Variants in TCEA1 observed in about 807,000 individuals in gnomAD.
TCEA1 encodes transcription elongation factor A protein 1.
In TCEA1, 21 loss-of-function variants were observed where a neutral mutation model predicts 43.8. The observed-to-expected ratio is 0.48, with a 90% CI of 0.34 to 0.69. The LOEUF is 0.69. TCEA1 is among the 30% of genes least tolerant of loss of function. TCEA1 has a pLI of 0.01. For missense variants in TCEA1, 250 were observed against 365.1 expected, an observed-to-expected ratio of 0.68 and a Z score of 2.57; for synonymous variants, 104 against 117.5, an observed-to-expected ratio of 0.88 and a Z score of 0.75.
rs188242451 is a variant in TCEA1 at position 54,005,728 on chromosome 8, C to A, written c.126+4702G>T. Among the ~76,000 whole-genome samples the A allele has an allele frequency of 1.9e-4, 29 of 152,156 alleles. No homozygotes were observed. In the East Asian group the frequency reaches 2.5e-3, roughly 13 times the overall value. On this transcript the variant is annotated intron_variant, in intron 2 of 9. Transcript: ENST00000521604. ...ATATTGCTATTATCTTAGTTTAAGCCCTCATCACTCCTCACCTGAATAACT... is the reference window on the plus strand; with the variant it reads ...ATATTGCTATTATCTTAGTTTAAGCACTCATCACTCCTCACCTGAATAACT...
intron 1 of TCEA1, among the ~76,000 whole-genome samples, chr8:54,020,078 T>C (rs1804973424): frequency 6.6e-6 from 1 of 152,184 alleles, no homozygotes; most frequent in Non-Finnish European, 1.5e-5. Context: ...ACCTGCCCAC[T>C]AAAAAATTAC....
intron 6 of TCEA1, 53 bp downstream of exon 6, chr8:53,986,916 A>G: frequency 7.0e-7 from 1 of 1,420,530 alleles, no homozygotes; most frequent in Non-Finnish European, 9.5e-7. Context: ...GCATATGTTC[A>G]ATAAATATTA....
At chr8:53,990,597 A>C (rs1236773013) in intron 4 of TCEA1, among the ~76,000 whole-genome samples, 1 of 152,122 alleles carries the variant, frequency 6.6e-6, no homozygotes, top group Non-Finnish European at 1.5e-5. Context: ...TCCTGGGCTC[A>C]AGTGATCCCC....
chr8:53,979,190 T>C lies in TCEA1; in HGVS notation c.679-19A>G, dbSNP rs374865364. The C allele has an allele frequency of 2.4e-5, 38 of 1,608,958 alleles. No individual in the cohort carries two copies. The highest frequency in any genetic ancestry group is 2.9e-5 in the Non-Finnish European group (34 of 1,176,194). The stretch of plus-strand genomic sequence containing the variant: ...CCATTTCCTATGAGGTAGGGGGCAA[T>C]ACCACTCAGTTATAGACACCTTCTA... On this transcript the variant is annotated intron_variant, in intron 7 of 9. Coordinates refer to ENST00000521604, the MANE Select transcript of TCEA1 (RefSeq NM_006756.4).
chr8:53,996,474 C>T (rs1389227677), intron 3 of TCEA1, among the ~76,000 whole-genome samples: 2 of 152,216 alleles, frequency 1.3e-5, no homozygotes, highest in South Asian at 2.1e-4. Context: ...CAGGTCAATG[C>T]TTGGCACATC....
intron 8 of TCEA1, among the ~76,000 whole-genome samples, chr8:53,977,482 T>A (rs189093637): frequency 6.6e-6 from 1 of 152,346 alleles, no homozygotes; most frequent in Admixed American, 6.5e-5. Flanking sequence ...ACTTTTTCAA[T>A]TTTTAACCAC....
intron 3 of TCEA1, 72 bp downstream of exon 3, chr8:53,999,873 A>G (rs566390372): frequency 9.2e-7 from 1 of 1,084,814 alleles, no homozygotes; most frequent in East Asian, 2.6e-5. Flanking sequence ...TTAACTAACC[A>G]TAAAATGTAA....
intron 3 of TCEA1, 141 bp from the exon 4 acceptor site, chr8:53,993,896 A>G: frequency 1.5e-6 from 1 of 662,826 alleles, no homozygotes; most frequent in Non-Finnish European, 2.6e-6. Context: ...AGCTATTAGC[A>G]TATGTACTAT....
At chr8:53,973,593 G>T in intron 8 of TCEA1, 1 of 563,786 alleles carries the variant, frequency 1.8e-6, no homozygotes, top group Non-Finnish European at 3.4e-6. Context: ...ACTGGATGAG[G>T]AGGAGGAAAG....
intron 7 of TCEA1, 117 bp downstream of exon 7, chr8:53,984,246 G>C: frequency 1.0e-6 from 1 of 997,824 alleles, no homozygotes; most frequent in Non-Finnish European, 1.4e-6. Context: ...AAATATATCA[G>C]AATAACGGAA....
chr8:54,017,903 T>C (rs1160574153), intron 1 of TCEA1, among the ~76,000 whole-genome samples: 1 of 152,102 alleles, frequency 6.6e-6, no homozygotes, highest in Non-Finnish European at 1.5e-5. Flanking sequence ...CTGAGTGACA[T>C]GACTGCATGA....
intron 7 of TCEA1, among the ~76,000 whole-genome samples, chr8:53,982,613 CAAAA>C (rs558788906): frequency 3.5e-5 from 2 of 57,802 alleles, no homozygotes; most frequent in African/African-American, 1.3e-4. Flanking sequence ...CATTCCCCAC[CAAAA>C]AAAAAAAAAA....
chr8:53,973,804 C>A, intron 8 of TCEA1: 2 of 416,146 alleles, frequency 4.8e-6, no homozygotes, highest in Non-Finnish European at 9.2e-6. Flanking sequence ...TTCAAGAAAA[C>A]AAAAGCTGTG....
At chr8:53,983,149 A>T (rs1313878387) in intron 7 of TCEA1, among the ~76,000 whole-genome samples, 2 of 152,224 alleles carry the variant, frequency 1.3e-5, no homozygotes, top group Non-Finnish European at 2.9e-5. Flanking sequence ...GATCATGAGC[A>T]ATTTTTAGCA....
Position 54,012,567 on chromosome 8 carries a change from A to C in TCEA1, c.64-2075T>G, listed in dbSNP as rs184271010. ...GAGCGAGACTCCGTCTCAAAAAAAC[A>C]AAAAACAAAACAAAAAAAAGAAATG... On this transcript the variant is annotated intron_variant, in intron 1 of 9. Coordinates refer to ENST00000521604, the MANE Select transcript of TCEA1 (RefSeq NM_006756.4). 1.3e-3 allele frequency among the ~76,000 whole-genome samples: 196 copies of C among 152,304 alleles called. 1 individual carries two copies. Among genetic ancestry groups the C allele is most frequent in the Non-Finnish European group, 4.6e-4 (31 of 68,030 alleles).
chr8:53,973,169 CAGA>C (rs1420448323), intron 8 of TCEA1: 2 of 525,506 alleles, frequency 3.8e-6, no homozygotes, highest in Non-Finnish European at 7.1e-6. Flanking sequence ...AAACAAAAGT[CAGA>C]AGGACGATGA....
intron 9 of TCEA1, 129 bp downstream of exon 9, chr8:53,970,263 A>T (rs776026273): frequency 1.3e-6 from 1 of 750,226 alleles, no homozygotes; most frequent in South Asian, 1.5e-5. Flanking sequence ...GTAGTCAGGG[A>T]GTACAAGAGT....
At chr8:53,976,299 G>C (rs1803331272) in intron 8 of TCEA1, among the ~76,000 whole-genome samples, 1 of 152,156 alleles carries the variant, frequency 6.6e-6, no homozygotes, top group Non-Finnish European at 1.5e-5. Context: ...CAGAACAGCA[G>C]CGTTCTACTC....
chr8:53,978,622 CACTT>C (rs1026729987), intron 8 of TCEA1: 2 of 154,714 alleles, frequency 1.3e-5, no homozygotes, highest in African/African-American at 4.8e-5. Context: ...AGCAGCCTAA[CACTT>C]AGTCACAATG....
Sources: gnomAD v4.1 joint callset for allele counts (sites outside exome capture counted in the v4.1 genomes callset) on GRCh38, gnomAD v4.1.1 for gene constraint, MANE v1.5 for transcripts, NCBI Gene and HGNC (gene_info 2026-07-23, HGNC 2026-07-21) for gene names.